The following EARS2 variants were observed in gnomAD, a reference collection of about 807,000 sequenced individuals.
The protein encoded by EARS2 is nondiscriminating glutamyl-tRNA synthetase EARS2, mitochondrial.
EARS2 carries 50 observed loss-of-function variants against 54.1 expected under a neutral mutation model. The ratio of observed to expected loss-of-function variants is 0.92; its 90% CI spans 0.74 to 1.17. The LOEUF is 1.17. EARS2 is among the 50% of genes most tolerant of loss of function. The probability of loss-of-function intolerance (pLI) is 0.00; values close to 1 mark genes in which losing one functional copy is unlikely to be tolerated. For synonymous variants in EARS2, 298 were observed against 281.0 expected, an observed-to-expected ratio of 1.06 and a Z score of -0.61; for missense variants, 673 against 675.0, an observed-to-expected ratio of 1.00 and a Z score of 0.03.
In EARS2 at chr16:23,522,870, G is replaced by A. The variant is rs561471057; in HGVS notation, c.*1501C>T. ...TTGCGGTCATGTGAATGCTTGGCTG[G>A]AATTGAAGGACCAGCTTTCAAGATT... On this transcript the variant is annotated 3_prime_UTR_variant, in exon 9 of 9. Coordinates refer to ENST00000449606, the MANE Select transcript of EARS2 (RefSeq NM_001083614.2). 2.0e-5 allele frequency: 3 copies of A among 152,304 alleles called. No individual in the cohort carries two copies. Among genetic ancestry groups the A allele is most frequent in the South Asian group, 4.1e-4 (2 of 4,824 alleles). 9.4% of individuals were successfully genotyped at this position (152,304 alleles called of 1,614,324 possible).
rs1196541729 is a variant in EARS2 at position 23,552,260 on chromosome 16, T to A, written c.184A>T (p.Ile62Phe). 2.5e-6 allele frequency: 4 copies of A among 1,614,072 alleles called. No individual in the cohort carries two copies. Among genetic ancestry groups the A allele is most frequent in the Non-Finnish European group, 3.4e-6 (4 of 1,180,038 alleles). ...GGLRTALYNY[I>F]FAKKYQGSFI... ...CTCCCCTGGTACTTCTTAGCAAAGA[T>A]GTAGTTGTACAAGGCAGTGCGGAGG... Residue 62 changes from isoleucine to phenylalanine, a missense_variant, in exon 2 of 9, where the codon ATC becomes TTC. Coordinates refer to ENST00000449606, the MANE Select transcript of EARS2 (RefSeq NM_001083614.2).
intron 1 of EARS2, among the ~76,000 whole-genome samples, chr16:23,556,344 C>G (rs187703627): frequency 6.6e-6 from 1 of 152,320 alleles, no homozygotes; most frequent in East Asian, 1.9e-4. Flanking sequence ...ATTTCCTCTA[C>G]CCAGAAGGTT....
At chr16:23,548,725 C>T (rs1427335903) in intron 2 of EARS2, among the ~76,000 whole-genome samples, 2 of 152,100 alleles carry the variant, frequency 1.3e-5, no homozygotes, top group East Asian at 3.8e-4. Context: ...CCAAAGACAG[C>T]CTGAAAACCA....
At chr16:23,525,464 G>A in intron 7 of EARS2, 85 bp from the exon 8 acceptor site, 1 of 1,416,902 alleles carries the variant, frequency 7.1e-7, no homozygotes. Context: ...TTATTGATCA[G>A]CTACAGTACG....
intron 3 of EARS2, among the ~76,000 whole-genome samples, chr16:23,539,422 A>G (rs1815564953): frequency 6.6e-6 from 1 of 152,198 alleles, no homozygotes; most frequent in African/African-American, 2.4e-5. Context: ...AAATATTAGC[A>G]GATATACTTT....
chr16:23,555,002 G>C (rs984944933), intron 1 of EARS2, among the ~76,000 whole-genome samples: 3 of 152,290 alleles, frequency 2.0e-5, no homozygotes, highest in African/African-American at 7.2e-5. Context: ...TCCCACATGG[G>C]CTTTCCCCGC....
chr16:23,527,478 T>C (rs1300032563), intron 7 of EARS2, among the ~76,000 whole-genome samples: 1 of 151,774 alleles, frequency 6.6e-6, no homozygotes, highest in African/African-American at 2.4e-5. Context: ...AGCCTTTCAG[T>C]GCAGACAGAT....
intron 2 of EARS2, among the ~76,000 whole-genome samples, 196 bp downstream of exon 2, chr16:23,551,953 G>A (rs1567391002): frequency 6.6e-6 from 1 of 152,080 alleles, no homozygotes; most frequent in South Asian, 2.1e-4. Flanking sequence ...AAAGAAACCA[G>A]TCTTGGAGCT....
At chr16:23,554,612 A>G (rs1056332390) in intron 1 of EARS2, among the ~76,000 whole-genome samples, 1 of 152,188 alleles carries the variant, frequency 6.6e-6, no homozygotes, top group Non-Finnish European at 1.5e-5. Context: ...TTCAACACTG[A>G]TGTGTGTAAC....
At chr16:23,527,376 C>T (rs1164735070) in intron 7 of EARS2, among the ~76,000 whole-genome samples, 1 of 152,080 alleles carries the variant, frequency 6.6e-6, no homozygotes, top group Non-Finnish European at 1.5e-5. Flanking sequence ...CCTGCCTGCT[C>T]AAACATGGTC....
chr16:23,550,379 A>AG (rs1188485140), intron 2 of EARS2, among the ~76,000 whole-genome samples: 1 of 151,746 alleles, frequency 6.6e-6, no homozygotes, highest in East Asian at 1.9e-4. Context: ...AAAAAAAAAA[A>AG]AAAAGAAATA....
chr16:23,547,103 A>T (rs897995030), intron 2 of EARS2, among the ~76,000 whole-genome samples: 2 of 152,246 alleles, frequency 1.3e-5, no homozygotes, highest in African/African-American at 2.4e-5. Context: ...ACAGCCAAAA[A>T]CCAGAGTAAC....
intron 2 of EARS2, chr16:23,545,321 G>A (rs997408450): frequency 7.0e-6 from 1 of 143,758 alleles, no homozygotes; most frequent in Non-Finnish European, 1.5e-5. Flanking sequence ...GCCCAGGCCT[G>A]GGAACAGCTG....
At chr16:23,546,893 G>T (rs1965612195) in intron 2 of EARS2, among the ~76,000 whole-genome samples, 1 of 152,202 alleles carries the variant, frequency 6.6e-6, no homozygotes, top group African/African-American at 2.4e-5. Flanking sequence ...TCCCTCTCAT[G>T]GGACCTCCAT....
At chr16:23,544,011 A>C (rs1965559507) in intron 3 of EARS2, among the ~76,000 whole-genome samples, 1 of 152,192 alleles carries the variant, frequency 6.6e-6, no homozygotes, top group African/African-American at 2.4e-5. Context: ...TTCAATATGC[A>C]AAAAATCTGA....
intron 7 of EARS2, among the ~76,000 whole-genome samples, chr16:23,528,980 G>A (rs1965276208): frequency 6.6e-6 from 1 of 152,210 alleles, no homozygotes; most frequent in Non-Finnish European, 1.5e-5. Context: ...GGGGCAGAAG[G>A]GGAAAGGCAG....
intron 2 of EARS2, among the ~76,000 whole-genome samples, chr16:23,550,091 G>A (rs1319011492): frequency 6.6e-6 from 1 of 152,170 alleles, no homozygotes; most frequent in Non-Finnish European, 1.5e-5. Flanking sequence ...CAGGAGCGAT[G>A]GTTCATGACC....
At chr16:23,538,649 G>C (rs1965463691) in intron 3 of EARS2, among the ~76,000 whole-genome samples, 1 of 152,112 alleles carries the variant, frequency 6.6e-6, no homozygotes, top group African/African-American at 2.4e-5. Context: ...TTGAGCCCAG[G>C]AGTTCAAAAC....
At chr16:23,538,194 T>TG (rs1264943429) in intron 3 of EARS2, among the ~76,000 whole-genome samples, 1 of 150,600 alleles carries the variant, frequency 6.6e-6, no homozygotes, top group Non-Finnish European at 1.5e-5. Flanking sequence ...TGTTTTGAGA[T>TG]GGAGTCTCGC....
Sources: gnomAD v4.1 joint callset for allele counts (sites outside exome capture counted in the v4.1 genomes callset) on GRCh38, gnomAD v4.1.1 for gene constraint, MANE v1.5 for transcripts, NCBI Gene and HGNC (gene_info 2026-07-23, HGNC 2026-07-21) for gene names.